KCTD8: variants seen among roughly 807,000 people sequenced by gnomAD.
KCTD8 encodes potassium channel tetramerization domain containing 8.
A neutral mutation model predicts 31.5 loss-of-function variants in KCTD8; 27 were observed. The observed-to-expected ratio is 0.86, with a 90% CI of 0.63 to 1.18. The LOEUF is 1.18. Among genes scored for constraint, KCTD8 ranks in the 50% most tolerant of loss-of-function variants. KCTD8 has a pLI of 0.00. For missense variants in KCTD8, 658 were observed against 647.7 expected (o/e 1.02, Z -0.17); for synonymous variants, 290 against 280.0 (o/e 1.04, Z -0.36).
At chr4:44,224,648 T>C (rs1714900770) in intron 1 of KCTD8, among the ~76,000 whole-genome samples, 1 of 152,192 alleles carries the variant, frequency 6.6e-6, no homozygotes, top group Non-Finnish European at 1.5e-5. Context: ...TATCCATCTG[T>C]GTTTGTTAGG....
At chr4:44,396,567 T>A (rs1458024084) in intron 1 of KCTD8, among the ~76,000 whole-genome samples, 1 of 152,084 alleles carries the variant, frequency 6.6e-6, no homozygotes, top group African/African-American at 2.4e-5. Context: ...TGTTTTTTTC[T>A]CATTAACATA....
At chr4:44,355,085 A>AATATTTG (rs1719307634) in intron 1 of KCTD8, among the ~76,000 whole-genome samples, 1 of 152,186 alleles carries the variant, frequency 6.6e-6, no homozygotes, top group Non-Finnish European at 1.5e-5. Flanking sequence ...AAACCTTATG[A>AATATTTG]ATATTTGAAT....
At chr4:44,314,758 A>C (rs1200292373) in intron 1 of KCTD8, among the ~76,000 whole-genome samples, 1 of 151,950 alleles carries the variant, frequency 6.6e-6, no homozygotes, top group Non-Finnish European at 1.5e-5. Flanking sequence ...CTATCAGTAC[A>C]TAGAGATTTA....
At chr4:44,326,015 G>T (rs901991468) in intron 1 of KCTD8, among the ~76,000 whole-genome samples, 1 of 151,928 alleles carries the variant, frequency 6.6e-6, no homozygotes, top group South Asian at 2.1e-4. Flanking sequence ...GACCAAGGAA[G>T]TCATTGTGCA....
intron 1 of KCTD8, among the ~76,000 whole-genome samples, chr4:44,292,026 T>C (rs1354767351): frequency 6.7e-6 from 1 of 150,368 alleles, no homozygotes; most frequent in Non-Finnish European, 1.5e-5. Context: ...TTATACACTC[T>C]TGGTGGGAAT....
chr4:44,189,747 T>G (rs1713705890), intron 1 of KCTD8, among the ~76,000 whole-genome samples: 1 of 152,172 alleles, frequency 6.6e-6, no homozygotes, highest in South Asian at 2.1e-4. Flanking sequence ...TCTCATGTTT[T>G]TACTGCCTTT....
intron 1 of KCTD8, among the ~76,000 whole-genome samples, chr4:44,401,245 C>T (rs1032728740): frequency 6.6e-6 from 1 of 152,026 alleles, no homozygotes; most frequent in African/African-American, 2.4e-5. Context: ...TCAAGCAAGA[C>T]TTCAGAATTG....
chr4:44,269,150 G>A (rs1300010536), intron 1 of KCTD8, among the ~76,000 whole-genome samples: 1 of 152,104 alleles, frequency 6.6e-6, no homozygotes, highest in African/African-American at 2.4e-5. Context: ...ATACTACAAG[G>A]CTGCAGTAAC....
At chr4:44,385,357 T>A (rs901777644) in intron 1 of KCTD8, among the ~76,000 whole-genome samples, 1 of 151,650 alleles carries the variant, frequency 6.6e-6, no homozygotes, top group Admixed American at 6.6e-5. Flanking sequence ...GATAGACATA[T>A]AGACGAAGGA....
intron 1 of KCTD8, among the ~76,000 whole-genome samples, chr4:44,323,175 G>C (rs1008805490): frequency 6.6e-6 from 1 of 151,872 alleles, no homozygotes; most frequent in Non-Finnish European, 1.5e-5. Flanking sequence ...GATCACTTTG[G>C]GTAGCATGAA....
intron 1 of KCTD8, among the ~76,000 whole-genome samples, chr4:44,405,561 C>A (rs956559005): frequency 2.0e-5 from 3 of 152,058 alleles, no homozygotes; most frequent in African/African-American, 7.2e-5. Flanking sequence ...AGCCACCGCA[C>A]CCGGCCCAGC....
chr4:44,429,123 G>T (rs1399910759), intron 1 of KCTD8, among the ~76,000 whole-genome samples: 1 of 151,586 alleles, frequency 6.6e-6, no homozygotes, highest in East Asian at 1.9e-4. Context: ...ACCTACAAAG[G>T]AAACAAAAGG....
intron 1 of KCTD8, among the ~76,000 whole-genome samples, chr4:44,219,662 T>G (rs1442234802): frequency 1.3e-5 from 2 of 152,190 alleles, no homozygotes; most frequent in East Asian, 3.8e-4. Context: ...AAACTTCTAT[T>G]TTCCAGAACT....
chr4:44,329,713 G>A (rs1718543850), intron 1 of KCTD8, among the ~76,000 whole-genome samples: 1 of 151,842 alleles, frequency 6.6e-6, no homozygotes, highest in Non-Finnish European at 1.5e-5. Context: ...CAAATTTATT[G>A]AATGATAAAA....
chr4:44,326,111 AC>A (rs1718437274), intron 1 of KCTD8, among the ~76,000 whole-genome samples: 1 of 151,858 alleles, frequency 6.6e-6, no homozygotes, highest in Non-Finnish European at 1.5e-5. Context: ...TAGGTTCACA[AC>A]CTTGTGTTTT....
intron 1 of KCTD8, among the ~76,000 whole-genome samples, chr4:44,365,109 T>A (rs575886281): frequency 3.3e-4 from 50 of 152,262 alleles, no homozygotes; most frequent in African/African-American, 1.2e-3. Flanking sequence ...TAATCAGTTG[T>A]AACAAATATA....
In KCTD8 at chr4:44,448,013, G is replaced by T. The variant is rs1721994533; in HGVS notation, c.511C>A (p.Gln171Lys). The T allele has an allele frequency of 6.3e-7, 1 of 1,596,060 alleles. No homozygotes were observed. Among genetic ancestry groups the T allele is most frequent in the Non-Finnish European group, 8.5e-7 (1 of 1,171,544 alleles). Reference protein sequence around the residue: ...CQSDLEDNVSQGSSDALLLRG... With the variant: ...CQSDLEDNVSKGSSDALLLRG... ...AGCAGCAGCGCGTCGCTGCTACCCTGCGAGACGTTGTCCTCCAGGTCGCTC... is the reference window on the plus strand; with the variant it reads ...AGCAGCAGCGCGTCGCTGCTACCCTTCGAGACGTTGTCCTCCAGGTCGCTC... The change falls in exon 1 of 2, where the codon CAG becomes AAG. Residue 171 changes from glutamine (Q) to lysine (K), a missense_variant. Coordinates refer to ENST00000360029, the MANE Select transcript of KCTD8 (RefSeq NM_198353.3). This position sits in a 1 kb window ranked among gnomAD's most constrained non-coding sequence, Gnocchi z 4.1.
At chr4:44,409,985 T>A (rs1287524146) in intron 1 of KCTD8, among the ~76,000 whole-genome samples, 1 of 152,188 alleles carries the variant, frequency 6.6e-6, no homozygotes, top group Non-Finnish European at 1.5e-5. Flanking sequence ...GCTTCAGGGG[T>A]ATCACTTTAT....
intron 1 of KCTD8, among the ~76,000 whole-genome samples, chr4:44,346,705 G>A (rs538639068): frequency 1.3e-5 from 2 of 152,222 alleles, no homozygotes; most frequent in African/African-American, 4.8e-5. Flanking sequence ...GAAGTGTCAT[G>A]GTGACTGACC....
Sources: allele counts gnomAD v4.1 joint callset (sites outside exome capture counted in the v4.1 genomes callset), GRCh38; gene constraint gnomAD v4.1.1; non-coding constraint Gnocchi (gnomAD v3.1); transcripts MANE v1.5; gene names NCBI Gene and HGNC (gene_info 2026-07-23, HGNC 2026-07-21).